Variants in REC114 observed in about 807,000 individuals in gnomAD.
The protein encoded by REC114 is meiotic recombination protein REC114.
REC114 carries 27 observed loss-of-function variants against 31.3 expected under a neutral mutation model. That is an observed-to-expected ratio of 0.86 (90% CI 0.64 to 1.19). The LOEUF is 1.19. REC114 is among the 50% of genes most tolerant of loss of function. REC114 has a pLI of 0.00. For synonymous variants in REC114, 134 were observed against 127.7 expected, an observed-to-expected ratio of 1.05 and a Z score of -0.33; for missense variants, 344 against 326.9, an observed-to-expected ratio of 1.05 and a Z score of -0.40.
chr15:73,556,462 G>A, intron 5 of REC114, 71 bp downstream of exon 5: 1 of 1,311,022 alleles, frequency 7.6e-7, no homozygotes, highest in Admixed American at 2.1e-5. Flanking sequence ...GTATCCCTTT[G>A]TTCAATTCTT....
intron 4 of REC114, among the ~76,000 whole-genome samples, chr15:73,554,462 G>GAGAT (rs1232403950): frequency 2.0e-5 from 3 of 152,182 alleles, no homozygotes; most frequent in African/African-American, 7.2e-5. Flanking sequence ...TTTGCAAATA[G>GAGAT]AGATAATTCT....
At chr15:73,479,022 A>G (rs1341672418) in intron 2 of REC114, among the ~76,000 whole-genome samples, 1 of 152,052 alleles carries the variant, frequency 6.6e-6, no homozygotes, top group South Asian at 2.1e-4. Context: ...TCTTCCTTTC[A>G]ATCTGTATAC....
chr15:73,521,942 A>C (rs1893941625), intron 2 of REC114, among the ~76,000 whole-genome samples: 1 of 152,222 alleles, frequency 6.6e-6, no homozygotes, highest in South Asian at 2.1e-4. Flanking sequence ...TTCCTAACTC[A>C]AATTGAACAC....
intron 2 of REC114, among the ~76,000 whole-genome samples, chr15:73,499,209 A>G (rs1440318007): frequency 6.6e-6 from 1 of 151,910 alleles, no homozygotes; most frequent in African/African-American, 2.4e-5. Flanking sequence ...GTGCAAAAGT[A>G]ATTGCGATTT....
intron 2 of REC114, among the ~76,000 whole-genome samples, chr15:73,492,096 C>T (rs972155935): frequency 6.6e-6 from 1 of 151,986 alleles, no homozygotes; most frequent in Non-Finnish European, 1.5e-5. Context: ...TTTTTATATG[C>T]TTATTGGCCT....
At chr15:73,485,570 T>C (rs2141299391) in intron 2 of REC114, among the ~76,000 whole-genome samples, 1 of 152,270 alleles carries the variant, frequency 6.6e-6, no homozygotes, top group Middle Eastern at 3.4e-3. Flanking sequence ...CCTTGAGATA[T>C]TGAGTGAGTT....
At position 73,478,263 on chromosome 15, in the gene REC114, C is replaced by CAA. The variant is rs57210193; in HGVS notation, c.249+4365_249+4366dup. Among the ~76,000 whole-genome samples the CAA allele has an allele frequency of 9.5e-3, 380 of 39,896 alleles. 15 individuals are homozygous for CAA. The highest frequency in any genetic ancestry group is 0.014 in the African/African-American group (170 of 11,932). 26.2% of individuals were successfully genotyped at this position (39,896 alleles called of 152,430 possible). A position where few individuals can be genotyped will look rare whatever the true frequency, so the allele number is the denominator to read the frequency against. Reference sequence around the variant, plus strand: ...TCAGTGACAGAGTGAGACTCTGTCTCAAAAAAAAAAAAAAAAAAAAAAAAG... The same window carrying CAA: ...TCAGTGACAGAGTGAGACTCTGTCTCAAAAAAAAAAAAAAAAAAAAAAAAAAG... On this transcript the variant is annotated intron_variant, in intron 2 of 5. Coordinates refer to ENST00000331090, the MANE Select transcript of REC114 (RefSeq NM_001042367.2).
chr15:73,484,066 T>G (rs1413464748), intron 2 of REC114: 1 of 152,264 alleles, frequency 6.6e-6, no homozygotes, highest in African/African-American at 2.4e-5. Flanking sequence ...GTTGTTGTTG[T>G]GTTGTGGAAT....
chr15:73,461,024 G>A (rs1309968938), intron 1 of REC114, among the ~76,000 whole-genome samples: 1 of 151,998 alleles, frequency 6.6e-6, no homozygotes, highest in Non-Finnish European at 1.5e-5. Flanking sequence ...TGGTAAAAGG[G>A]GAATTACATC....
chr15:73,469,161 T>C (rs181550241), intron 1 of REC114, among the ~76,000 whole-genome samples: 11 of 152,336 alleles, frequency 7.2e-5, no homozygotes, highest in Non-Finnish European at 1.3e-4. Flanking sequence ...ACTTGGTGAT[T>C]TGCTATGTGC....
intron 2 of REC114, among the ~76,000 whole-genome samples, chr15:73,500,815 A>G (rs1595871112): frequency 7.1e-6 from 1 of 141,010 alleles, no homozygotes; most frequent in South Asian, 2.2e-4. Flanking sequence ...GACTTCTCCC[A>G]CTCCCTCCTC....
At chr15:73,492,270 C>G (rs1291835305) in intron 2 of REC114, among the ~76,000 whole-genome samples, 1 of 152,156 alleles carries the variant, frequency 6.6e-6, no homozygotes, top group Non-Finnish European at 1.5e-5. Context: ...CAGGACTCTC[C>G]TGTCTGCCTT....
chr15:73,547,487 C>T (rs182708501), intron 3 of REC114, among the ~76,000 whole-genome samples: 30 of 152,194 alleles, frequency 2.0e-4, no homozygotes, highest in African/African-American at 7.0e-4. Context: ...ACAGTTTGGA[C>T]GTTCCTCAAA....
chr15:73,530,762 T>C (rs76298430), intron 2 of REC114, among the ~76,000 whole-genome samples: 4,971 of 151,726 alleles, frequency 0.033, 304 homozygotes, highest in African/African-American at 0.11. Flanking sequence ...TTTTTTTCTG[T>C]TTTCAGTGAA....
chr15:73,555,680 G>A (rs1019235175), intron 4 of REC114, among the ~76,000 whole-genome samples: 7 of 152,014 alleles, frequency 4.6e-5, no homozygotes, highest in Admixed American at 2.0e-4. Flanking sequence ...TCCTATCCCC[G>A]TACCACCCCA....
intron 1 of REC114, among the ~76,000 whole-genome samples, chr15:73,463,234 C>T (rs929797690): frequency 2.0e-5 from 3 of 152,014 alleles, no homozygotes; most frequent in Admixed American, 6.5e-5. Flanking sequence ...CTCTTCCTTG[C>T]GGTTTAAGAA....
At chr15:73,528,777 A>T (rs1282386765) in intron 2 of REC114, among the ~76,000 whole-genome samples, 1 of 152,200 alleles carries the variant, frequency 6.6e-6, no homozygotes, top group Non-Finnish European at 1.5e-5. Context: ...TAGGTGCAGG[A>T]GTCTGTACAA....
intron 1 of REC114, among the ~76,000 whole-genome samples, chr15:73,456,338 CTT>C (rs888255488): frequency 2.1e-5 from 3 of 145,154 alleles, no homozygotes; most frequent in African/African-American, 7.5e-5. Flanking sequence ...ACTTCTTAGA[CTT>C]TTTTTTTTTC....
At chr15:73,554,143 G>A (rs545566729) in intron 4 of REC114, among the ~76,000 whole-genome samples, 2 of 152,210 alleles carry the variant, frequency 1.3e-5, no homozygotes, top group African/African-American at 2.4e-5. Context: ...AGAGCCAAGA[G>A]AGGGCATGAT....
Sources: gnomAD v4.1 joint callset for allele counts (sites outside exome capture counted in the v4.1 genomes callset) on GRCh38, gnomAD v4.1.1 for gene constraint, MANE v1.5 for transcripts, NCBI Gene and HGNC (gene_info 2026-07-23, HGNC 2026-07-21) for gene names.